SPDYE12: variants seen among roughly 807,000 people sequenced by gnomAD.
The protein encoded by SPDYE12 is speedy/RINGO cell cycle regulator family member E12.
At chr7:74,908,846 G>C in the SPDYE12 span, among the ~76,000 whole-genome samples, 3 of 146,902 alleles carry the variant, frequency 2.0e-5, no homozygotes, top group South Asian at 6.4e-4. Flanking sequence ...GCTAATTTTT[G>C]TATTTTTTTT....
the SPDYE12 span, among the ~76,000 whole-genome samples, chr7:74,912,450 G>A: frequency 3.8e-5 from 1 of 26,266 alleles, no homozygotes; most frequent in Admixed American, 5.8e-4. Context: ...AGGCTGGAGT[G>A]TAGTGGTGCA....
chr7:74,910,821 T>C, the SPDYE12 span: 108 of 1,092,562 alleles, frequency 9.9e-5, 2 homozygotes, highest in Non-Finnish European at 1.4e-4. Context: ...CACAGTTACA[T>C]AGAGAACAAC....
At chr7:74,914,854 C>T in the SPDYE12 span, among the ~76,000 whole-genome samples, 5 of 148,584 alleles carry the variant, frequency 3.4e-5, no homozygotes, top group South Asian at 2.2e-4. Flanking sequence ...ACTTGGGAGG[C>T]GGAGGTTGCA....
chr7:74,908,063 A>C, the SPDYE12 span, among the ~76,000 whole-genome samples: 1 of 150,724 alleles, frequency 6.6e-6, no homozygotes, highest in Non-Finnish European at 1.5e-5. Context: ...CTGGAGAGCT[A>C]CGGGCATGCA....
At chr7:74,909,742 A>C in the SPDYE12 span, 2 of 1,159,912 alleles carry the variant, frequency 1.7e-6, no homozygotes, top group Non-Finnish European at 2.6e-6. Flanking sequence ...GACTGTGCTC[A>C]TGTGGAAATT....
At chr7:74,909,102 G>A in the SPDYE12 span, among the ~76,000 whole-genome samples, 1,468 of 130,446 alleles carry the variant, frequency 0.011, 44 homozygotes, top group Middle Eastern at 0.023. Flanking sequence ...TGCCCAGGCT[G>A]GAGTGCAGTG....
the SPDYE12 span, among the ~76,000 whole-genome samples, chr7:74,908,831 A>G: frequency 6.3e-5 from 9 of 142,860 alleles, no homozygotes; most frequent in Non-Finnish European, 1.4e-4. Flanking sequence ...CCGCCACCAC[A>G]CCCGGCTAAT....
chr7:74,909,183 A>G, the SPDYE12 span, among the ~76,000 whole-genome samples: 1 of 149,484 alleles, frequency 6.7e-6, no homozygotes, highest in East Asian at 2.0e-4. Context: ...CCTCCCAAGT[A>G]GCTTGGATTA....
At chr7:74,910,319 T>C in the SPDYE12 span, among the ~76,000 whole-genome samples, 1 of 149,980 alleles carries the variant, frequency 6.7e-6, no homozygotes, top group African/African-American at 2.4e-5. Context: ...GCTATGATCA[T>C]GCCACTGTAC....
At chr7:74,909,779 G>A in the SPDYE12 span, among the ~76,000 whole-genome samples, 3 of 151,000 alleles carry the variant, frequency 2.0e-5, 1 homozygote, top group South Asian at 4.2e-4. Flanking sequence ...TTCGAAGGTC[G>A]GATGCAAATC....
At chr7:74,908,661 C>CTTTTTTTTTTTT in the SPDYE12 span, among the ~76,000 whole-genome samples, 48 of 58,600 alleles carry the variant, frequency 8.2e-4, 1 homozygote, top group African/African-American at 8.9e-4. Flanking sequence ...GTTTTTTGTT[C>CTTTTTTTTTTTT]TTTTTTTTTT....
chr7:74,908,663 T>C, the SPDYE12 span, among the ~76,000 whole-genome samples: 3 of 10,316 alleles, frequency 2.9e-4, no homozygotes, highest in African/African-American at 1.4e-3. Flanking sequence ...TTTTTGTTCT[T>C]TTTTTTTTTT....
chr7:74,907,056 G>C, the SPDYE12 span: 18 of 1,559,764 alleles, frequency 1.2e-5, 1 homozygote, highest in Non-Finnish European at 1.6e-5. Context: ...TGTTTTGTTT[G>C]GGGGCCTCAT....
At chr7:74,909,389 A>G in the SPDYE12 span, 28 of 1,418,384 alleles carry the variant, frequency 2.0e-5, no homozygotes, top group South Asian at 3.1e-4. Flanking sequence ...CTAAGATACT[A>G]TAATCCTGTC....
chr7:74,910,761 T>A, the SPDYE12 span: 31 of 1,439,392 alleles, frequency 2.2e-5, no homozygotes, highest in Non-Finnish European at 2.9e-5. Context: ...GAGGGAGAAC[T>A]GTGGGTTTGG....
the SPDYE12 span, among the ~76,000 whole-genome samples, chr7:74,910,054 G>A: frequency 1.3e-5 from 2 of 149,990 alleles, no homozygotes; most frequent in African/African-American, 2.4e-5. Context: ...GAATCCTGAC[G>A]GAGATGCTGA....
At chr7:74,907,381 G>A in the SPDYE12 span, among the ~76,000 whole-genome samples, 1 of 151,190 alleles carries the variant, frequency 6.6e-6, no homozygotes, top group African/African-American at 2.4e-5. Context: ...GATCACTTGA[G>A]GCCAGGAGTT....
At chr7:74,904,647 G>A in the SPDYE12 span, among the ~76,000 whole-genome samples, 4 of 151,104 alleles carry the variant, frequency 2.6e-5, no homozygotes, top group African/African-American at 9.7e-5. Context: ...AGGATGAAAA[G>A]AATCCTCTCT....
the SPDYE12 span, among the ~76,000 whole-genome samples, chr7:74,909,033 G>GTTTTTTTTTTTTTT: frequency 3.1e-5 from 1 of 32,002 alleles, no homozygotes; most frequent in Non-Finnish European, 9.0e-5. Context: ...TTTTTGCCTG[G>GTTTTTTTTTTTTTT]TTTTTTTTTT....
Sources: gnomAD v4.1 joint callset for allele counts (sites outside exome capture counted in the v4.1 genomes callset) on GRCh38, gnomAD v4.1.1 for gene constraint, MANE v1.5 for transcripts, NCBI Gene and HGNC (gene_info 2026-07-23, HGNC 2026-07-21) for gene names.